The following PAK3 variants were observed in gnomAD, a reference collection of about 807,000 sequenced individuals.
PAK3 encodes p21 (RAC1) activated kinase 3.
A neutral mutation model predicts 41.0 loss-of-function variants in PAK3; 4 were observed. The ratio of observed to expected loss-of-function variants is 0.10; its 90% CI spans 0.05 to 0.22. PAK3 has a LOEUF of 0.22. Ranked by LOEUF, PAK3 falls within the 10% of genes least tolerant of loss-of-function variation. PAK3 has a pLI of 1.00. For missense variants in PAK3, 205 were observed against 409.9 expected (o/e 0.50, Z 4.32); for synonymous variants, 146 against 139.6 (o/e 1.05, Z -0.32).
At chrX:110,965,019 A>G (rs955572081) in intron 1 of PAK3, among the ~76,000 whole-genome samples, 1 of 112,132 alleles carries the variant, frequency 8.9e-6, no homozygotes, top group Non-Finnish European at 1.9e-5. Context: ...CCAGACCCCC[A>G]GAACAGGTGC....
At chrX:111,156,757 A>G (rs1242194459) in intron 8 of PAK3, among the ~76,000 whole-genome samples, 1 of 111,912 alleles carries the variant, frequency 8.9e-6, no homozygotes, top group Non-Finnish European at 1.9e-5. Flanking sequence ...GAACTCAGGG[A>G]TAGATCTCAT....
At chrX:111,085,009 G>T (rs1373227200) in intron 1 of PAK3, among the ~76,000 whole-genome samples, 2 of 111,753 alleles carry the variant, frequency 1.8e-5, no homozygotes, top group African/African-American at 3.3e-5. Context: ...AAAATGGTCT[G>T]GGGAGAGAAT....
chrX:111,200,953 A>C (rs183786285), intron 16 of PAK3, among the ~76,000 whole-genome samples: 2 of 112,473 alleles, frequency 1.8e-5, no homozygotes, highest in African/African-American at 3.2e-5. Context: ...CTAGGATTAG[A>C]ACTCACAATT....
chrX:111,211,083 G>A (rs1462744606), intron 16 of PAK3, among the ~76,000 whole-genome samples: 2 of 111,747 alleles, frequency 1.8e-5, no homozygotes, highest in Non-Finnish European at 3.8e-5. Flanking sequence ...AGGCAGCAAT[G>A]AAAGGCATTT....
chrX:111,166,868 A>C (rs1569431732), intron 10 of PAK3, among the ~76,000 whole-genome samples: 2 of 111,752 alleles, frequency 1.8e-5, no homozygotes, highest in East Asian at 2.8e-4. Flanking sequence ...AAGCCTTCAT[A>C]AGATAATACA....
At chrX:111,033,762 C>T (rs1271594074) in intron 1 of PAK3, among the ~76,000 whole-genome samples, 2 of 111,813 alleles carry the variant, frequency 1.8e-5, no homozygotes, top group East Asian at 2.8e-4. Context: ...CTCCAGCCCA[C>T]ACTCCGTCAG....
intron 13 of PAK3, 58 bp downstream of exon 13, chrX:111,192,676 G>A: frequency 3.4e-6 from 2 of 595,736 alleles, no homozygotes; most frequent in Non-Finnish European, 2.9e-6. Flanking sequence ...TTTTTTCTTG[G>A]CAAATTACTT....
upstream of PAK3, among the ~76,000 whole-genome samples, chrX:111,095,558 GCATTTAAGCTC>G (rs2092968741): frequency 8.9e-6 from 1 of 112,152 alleles, no homozygotes; most frequent in African/African-American, 3.2e-5. Flanking sequence ...AGAGAGAATC[GCATTTAAGCTC>G]CATTTGAAGT....
At chrX:111,200,364 T>C (rs1373158238) in intron 16 of PAK3, among the ~76,000 whole-genome samples, 2 of 111,948 alleles carry the variant, frequency 1.8e-5, no homozygotes, top group Non-Finnish European at 3.8e-5. Context: ...CTCTGGTACT[T>C]GGCCTCTTGT....
intron 1 of PAK3, among the ~76,000 whole-genome samples, chrX:111,073,812 C>A (rs2092764218): frequency 8.9e-6 from 1 of 111,994 alleles, no homozygotes; most frequent in Admixed American, 9.4e-5. Context: ...GAAACTCTTT[C>A]AAGAAATCTA....
intron 4 of PAK3, among the ~76,000 whole-genome samples, chrX:111,113,730 T>C (rs2093414992): frequency 9.0e-6 from 1 of 110,885 alleles, no homozygotes; most frequent in Non-Finnish European, 1.9e-5. Context: ...TAACTCGTCA[T>C]TTACATTAGG....
At chrX:111,030,268 C>T (rs1228535363) in intron 1 of PAK3, among the ~76,000 whole-genome samples, 7 of 109,764 alleles carry the variant, frequency 6.4e-5, no homozygotes, top group Admixed American at 2.9e-4. Context: ...TTTTCTTGCC[C>T]GTGTTCACTG....
At chrX:111,155,065 A>T (rs1239278639) in intron 8 of PAK3, among the ~76,000 whole-genome samples, 4 of 110,703 alleles carry the variant, frequency 3.6e-5, no homozygotes, top group African/African-American at 1.3e-4. Flanking sequence ...AAAAAAAATG[A>T]TGATCTCACT....
At chrX:111,199,176 G>A (rs955016425) in intron 16 of PAK3, among the ~76,000 whole-genome samples, 1 of 111,593 alleles carries the variant, frequency 9.0e-6, no homozygotes, top group African/African-American at 3.3e-5. Flanking sequence ...CATTGATTTT[G>A]TATCCTGAAA....
intron 1 of PAK3, among the ~76,000 whole-genome samples, chrX:110,947,708 G>T (rs1390607903): frequency 2.7e-5 from 3 of 112,030 alleles, no homozygotes; most frequent in Non-Finnish European, 5.6e-5. Context: ...TACCCATAGA[G>T]CATGGTGTTC....
At chrX:111,061,552 C>G (rs924325088) in intron 1 of PAK3, among the ~76,000 whole-genome samples, 2 of 111,923 alleles carry the variant, frequency 1.8e-5, no homozygotes, top group South Asian at 7.5e-4. Flanking sequence ...TTGCATTCAT[C>G]TTATAAGATT....
Position 111,210,274 on chromosome X carries a change from G to C in PAK3, c.1408-6147G>C, listed in dbSNP as rs1023408101. 3.6e-5 allele frequency among the ~76,000 whole-genome samples: 4 copies of C among 112,080 alleles called. 1 individual carries two copies. Among genetic ancestry groups the C allele is most frequent in the Admixed American group, 1.9e-4 (2 of 10,570 alleles). The stretch of plus-strand genomic sequence containing the variant: ...TTTTCTGTTCAAGAACAGCCAGAGA[G>C]AATAAGTTTCTGAACTATGTTTCAA... On this transcript the variant is annotated intron_variant, in intron 16 of 17. Transcript: ENST00000372007.
At chrX:111,191,346 G>A (rs955819160) in intron 11 of PAK3, among the ~76,000 whole-genome samples, 2 of 111,433 alleles carry the variant, frequency 1.8e-5, no homozygotes, top group African/African-American at 6.5e-5. Context: ...CAATCCTCCC[G>A]CCTCAGCCTC....
chrX:111,140,902 G>A (rs1354323115), intron 5 of PAK3, among the ~76,000 whole-genome samples: 1 of 111,598 alleles, frequency 9.0e-6, no homozygotes, highest in Admixed American at 9.5e-5. Flanking sequence ...ATTTATCATG[G>A]GTAACCCACA....
Sources: allele counts gnomAD v4.1 joint callset (sites outside exome capture counted in the v4.1 genomes callset), GRCh38; gene constraint gnomAD v4.1.1; transcripts MANE v1.5; gene names NCBI Gene and HGNC (gene_info 2026-07-23, HGNC 2026-07-21).